Variants in DTNA observed in about 807,000 individuals in gnomAD.
DTNA encodes dystrobrevin alpha.
In DTNA, 43 loss-of-function variants were observed where a neutral mutation model predicts 100.7. The observed-to-expected ratio is 0.43, with a 90% confidence interval of 0.33 to 0.55. The LOEUF is 0.55. DTNA is among the 20% of genes least tolerant of loss of function. DTNA has a pLI of 0.04. For synonymous variants in DTNA, 349 were observed against 347.9 expected (o/e 1.00, Z -0.04); for missense variants, 798 against 953.9 (o/e 0.84, Z 2.15).
rs548897388 is a variant in DTNA, at chr18:34,575,081, T to C, written c.-2+81567T>C. ...CGGCTCCTCAGAGGCATAGCTGATA[T>C]TGTATCTGCTGTGAAACATTTCTTC... On this transcript the variant is annotated intron_variant, in intron 1 of 19. Transcript: ENST00000283365. 2.0e-3 allele frequency among the ~76,000 whole-genome samples: 304 copies of C among 152,342 alleles called. 1 individual carries two copies. The highest frequency in any genetic ancestry group is 6.7e-3 in the African/African-American group (279 of 41,584).
chr18:34,881,437 C>CTTTTTTTTTTTTTTTTTTT lies in DTNA; in HGVS notation c.2163-625_2163-607dup, dbSNP rs752828928. 1.2e-4 allele frequency among the ~76,000 whole-genome samples: 6 copies of CTTTTTTTTTTTTTTTTTTT among 51,396 alleles called. 1 individual carries two copies. Among genetic ancestry groups the CTTTTTTTTTTTTTTTTTTT allele is most frequent in the African/African-American group, 3.3e-4 (4 of 11,952 alleles). The allele number at this position is 51,396 out of a possible 152,430, so 33.7% of individuals were successfully genotyped here. A position where few individuals can be genotyped will look rare whatever the true frequency, so the allele number is the denominator to read the frequency against. On this transcript the variant is annotated intron_variant, in intron 20 of 22. Coordinates refer to ENST00000444659, the MANE Select transcript of DTNA (RefSeq NM_001386795.1). The stretch of plus-strand genomic sequence containing the variant: ...ATAGTGGAATTGGATAATTAAAATG[C>CTTTTTTTTTTTTTTTTTTT]TTTTTTTTTTTTTTTTTTTTTTTTT...
chr18:34,536,046 T>C (rs2043676847), intron 1 of DTNA, among the ~76,000 whole-genome samples: 1 of 152,038 alleles, frequency 6.6e-6, no homozygotes, highest in African/African-American at 2.4e-5. Flanking sequence ...CATACATAAT[T>C]TTCTGACATA....
chr18:34,889,018 T>A lies in DTNA; in HGVS notation c.*1284T>A, dbSNP rs1050950926. ...AAAAGAGCTATCAAAGACAAGAGGATAAAAGACTGGGATAGTCTTTTCCAA... is the reference window on the plus strand; with the variant it reads ...AAAAGAGCTATCAAAGACAAGAGGAAAAAAGACTGGGATAGTCTTTTCCAA... On this transcript the variant is annotated 3_prime_UTR_variant, in exon 23 of 23. Coordinates refer to ENST00000444659, the MANE Select transcript of DTNA (RefSeq NM_001386795.1). 6 of 985,750 alleles carry A rather than the reference T, an allele frequency of 6.1e-6. No homozygotes were observed. The highest frequency in any genetic ancestry group is 5.2e-5 in the African/African-American group (3 of 57,238). The allele number at this position is 985,750 out of a possible 1,614,324, so 61.1% of individuals were successfully genotyped here.
chr18:34,750,183 C>T (rs988399185), intron 1 of DTNA, among the ~76,000 whole-genome samples: 22 of 152,154 alleles, frequency 1.4e-4, no homozygotes, highest in Non-Finnish European at 2.8e-4. Flanking sequence ...AAAGCAGAGC[C>T]AGACGTTTCC....
At chr18:34,724,907 C>G (rs1028250660) in intron 1 of DTNA, among the ~76,000 whole-genome samples, 1 of 152,128 alleles carries the variant, frequency 6.6e-6, no homozygotes, top group African/African-American at 2.4e-5. Context: ...TGGAACAGAA[C>G]ATTGATCAGA....
At chr18:34,768,729 CAG>C (rs1262975408) in intron 3 of DTNA, among the ~76,000 whole-genome samples, 2 of 152,156 alleles carry the variant, frequency 1.3e-5, no homozygotes, top group Non-Finnish European at 2.9e-5. Flanking sequence ...CCTCTTAATT[CAG>C]TTAAGTGTAT....
rs567249141 is a variant in DTNA at position 34,635,910 on chromosome 18, TA to T, written c.-1-120055del. Among the ~76,000 whole-genome samples, 272 of 146,812 alleles carry T rather than the reference TA, an allele frequency of 1.9e-3. 3 individuals are homozygous for T. The highest frequency in any genetic ancestry group is 0.013 in the Admixed American group (196 of 14,618). On this transcript the variant is annotated intron_variant, in intron 1 of 19. Transcript: ENST00000283365. ...GACAGCTTAATTCTTTTTTTTCAATTAAAAAAAAAAACCTGTGAAATATCCA... is the reference window on the plus strand; with the variant it reads ...GACAGCTTAATTCTTTTTTTTCAATTAAAAAAAAAACCTGTGAAATATCCA...
intron 1 of DTNA, among the ~76,000 whole-genome samples, chr18:34,736,272 C>T (rs2089567808): frequency 6.6e-6 from 1 of 152,168 alleles, no homozygotes; most frequent in Non-Finnish European, 1.5e-5. Context: ...TGTATGCGTG[C>T]ACTATTTGTC....
intron 1 of DTNA, among the ~76,000 whole-genome samples, chr18:34,593,166 A>G (rs1420509489): frequency 1.3e-5 from 2 of 152,188 alleles, no homozygotes; most frequent in African/African-American, 4.8e-5. Flanking sequence ...ACGTAGAGAC[A>G]GGTAAAAAGA....
At chr18:34,679,810 A>G (rs1255149000) in intron 1 of DTNA, among the ~76,000 whole-genome samples, 1 of 151,958 alleles carries the variant, frequency 6.6e-6, no homozygotes, top group African/African-American at 2.4e-5. Flanking sequence ...ATTTATTGTT[A>G]TTATTATTAT....
At chr18:34,652,148 G>A (rs1220696865) in intron 1 of DTNA, among the ~76,000 whole-genome samples, 1 of 149,180 alleles carries the variant, frequency 6.7e-6, no homozygotes, top group East Asian at 2.0e-4. Context: ...CCACAAAACA[G>A]CAACAACGAA....
chr18:34,859,272 G>A (rs1173551351), intron 16 of DTNA, among the ~76,000 whole-genome samples: 1 of 152,074 alleles, frequency 6.6e-6, no homozygotes, highest in Non-Finnish European at 1.5e-5. Context: ...TAAAGAATTG[G>A]ACAAAACGCA....
chr18:34,500,425 A>G (rs927208160), intron 1 of DTNA, among the ~76,000 whole-genome samples: 4 of 148,870 alleles, frequency 2.7e-5, no homozygotes, highest in Admixed American at 6.8e-5. Flanking sequence ...TATTAATTCT[A>G]TGTGTGTGTG....
rs539928713 is a variant in DTNA at position 34,807,855 on chromosome 18, T to TC, written c.448+1552dup. On this transcript the variant is annotated intron_variant, in intron 5 of 22. Transcript: ENST00000444659. ...TGCTGACACCGAGGGCTTTTTTTTT[T>TC]CTTTTTTTTTTTCAAAAAAAAAGAA... Among the ~76,000 whole-genome samples the TC allele has an allele frequency of 2.7e-3, 396 of 148,384 alleles. 2 individuals are homozygous for TC. The highest frequency in any genetic ancestry group is 9.6e-3 in the African/African-American group (385 of 40,276).
In DTNA at chr18:34,766,025, T is replaced by C. The variant is rs2093448495; in HGVS notation, c.132T>C (p.Val44=). 6.2e-7 allele frequency: 1 copy of C among 1,613,782 alleles called. No individual in the cohort carries two copies. The highest frequency in any genetic ancestry group is 8.5e-7 in the Non-Finnish European group (1 of 1,179,746). The change falls in exon 3 of 23, where the codon GTT becomes GTC. Residue 44 remains valine, a synonymous_variant. Transcript: ENST00000444659. ...GAACAGCATGCAAGCTTAGGTTTGTTCAGAAGAAATGCAATTGTAAGTATG... is the reference window on the plus strand; with the variant it reads ...GAACAGCATGCAAGCTTAGGTTTGTCCAGAAGAAATGCAATTGTAAGTATG... ...TYRTACKLRF[V]QKKCNLHLVD... is the part of the protein sequence containing the mutation.
intron 1 of DTNA, among the ~76,000 whole-genome samples, chr18:34,734,193 CATT>C (rs1314648198): frequency 5.3e-5 from 8 of 152,140 alleles, no homozygotes; most frequent in African/African-American, 1.7e-4. Flanking sequence ...GGAGAATCAA[CATT>C]ATCTTGCTTG....
chr18:34,604,327 T>C (rs2147278371), intron 1 of DTNA, among the ~76,000 whole-genome samples: 1 of 152,268 alleles, frequency 6.6e-6, no homozygotes, highest in Admixed American at 6.5e-5. Flanking sequence ...TTCTGTACCA[T>C]AGAAAGAGAA....
upstream of DTNA, among the ~76,000 whole-genome samples, chr18:34,706,505 GA>G (rs1375224433): frequency 6.6e-6 from 1 of 151,862 alleles, no homozygotes; most frequent in East Asian, 1.9e-4. Flanking sequence ...TTAAACACAT[GA>G]AAAAATACAA....
At chr18:34,753,937 C>T (rs2092590439) in intron 1 of DTNA, among the ~76,000 whole-genome samples, 1 of 152,034 alleles carries the variant, frequency 6.6e-6, no homozygotes, top group Non-Finnish European at 1.5e-5. Context: ...ACTTTACCTG[C>T]GTATATGAAA....
Sources: gnomAD v4.1 joint callset for allele counts (sites outside exome capture counted in the v4.1 genomes callset) on GRCh38, gnomAD v4.1.1 for gene constraint, MANE v1.5 for transcripts, NCBI Gene and HGNC (gene_info 2026-07-23, HGNC 2026-07-21) for gene names.